Variants in PHKA2 observed in about 807,000 individuals in gnomAD.
PHKA2 encodes the protein phosphorylase kinase regulatory subunit alpha 2, also known as phosphorylase b kinase regulatory subunit alpha, liver isoform.
In PHKA2, 31 loss-of-function variants were observed where a neutral mutation model predicts 102.0. The observed-to-expected ratio is 0.30, with a 90% CI of 0.23 to 0.41. The LOEUF (loss-of-function observed/expected upper bound fraction) is 0.41, where lower values mean the gene tolerates loss of function less well. PHKA2 is among the 10% of genes least tolerant of loss of function. The pLI is 1.00. For synonymous variants in PHKA2, 455 were observed against 416.2 expected (o/e 1.09, Z -1.13); for missense variants, 858 against 1,023.1 (o/e 0.84, Z 2.20).
intron 11 of PHKA2, among the ~76,000 whole-genome samples, chrX:18,932,233 T>TA (rs924463239): frequency 3.6e-5 from 4 of 112,354 alleles, no homozygotes; most frequent in African/African-American, 1.3e-4. Flanking sequence ...TACTAGCCTG[T>TA]AACCCCTCCT....
At chrX:18,975,633 A>G (rs2049078211) in intron 1 of PHKA2, among the ~76,000 whole-genome samples, 1 of 112,195 alleles carries the variant, frequency 8.9e-6, no homozygotes, top group Non-Finnish European at 1.9e-5. Flanking sequence ...GTTTAAGCCT[A>G]AAATCTTGAA....
At position 18,931,683 on chromosome X, in the gene PHKA2, C is replaced by G. The variant is rs1466343755; in HGVS notation, c.1203G>C (p.Leu401=). 12 of 1,207,317 alleles carry G rather than the reference C, an allele frequency of 9.9e-6. No individual in the cohort carries two copies. Among genetic ancestry groups the G allele is most frequent in the Non-Finnish European group, 1.3e-5 (12 of 891,389 alleles). ...TGAGGATGTACAAGGATTGGCCCCA[C>G]AGATGAGGCACCTTCCCCATAGGAA... is the stretch of plus-strand genomic sequence containing the variant. ...DRVPMGKVPH[L]WGQSLYILSS... is the part of the protein sequence containing the mutation. Residue 401 remains leucine (L), a synonymous_variant, in exon 12 of 33, where the codon CTG becomes CTC. Coordinates refer to ENST00000379942, the MANE Select transcript of PHKA2 (RefSeq NM_000292.3).
At chrX:18,954,131 A>C in intron 2 of PHKA2, 123 bp downstream of exon 2, 1 of 661,846 alleles carries the variant, frequency 1.5e-6, no homozygotes, top group Non-Finnish European at 2.4e-6. Flanking sequence ...AATATTCTAT[A>C]GCAGAAATAG....
In PHKA2 at chrX:18,924,528, GAA is replaced by G. The variant is rs1203716389; in HGVS notation, c.1570-5_1570-4del. 1 of 1,208,511 alleles carries G rather than the reference GAA, an allele frequency of 8.3e-7. No individual in the cohort carries two copies. Among genetic ancestry groups the G allele is most frequent in the Non-Finnish European group, 1.1e-6 (1 of 894,068 alleles). On this transcript the variant is annotated splice_polypyrimidine_tract_variant and splice_region_variant and intron_variant, in intron 15 of 32. Transcript: ENST00000379942. The stretch of plus-strand genomic sequence containing the variant: ...TAGAAGTGATGCTGGTCGGTGAACT[GAA>G]AGTCAGAGGAGGCTGGGTAAACGGC...
Position 18,893,618 on chromosome X carries a change from T to C in PHKA2, c.3575A>G (p.Gln1192Arg). 2 of 1,211,896 alleles carry C rather than the reference T, an allele frequency of 1.7e-6. No individual in the cohort carries two copies. The highest frequency in any genetic ancestry group is 2.2e-6 in the Non-Finnish European group (2 of 895,349). The change falls in exon 33 of 33, where the codon CAA (glutamine) becomes CGA (arginine). Residue 1192 changes from glutamine (Q) to arginine (R), a missense_variant. Transcript: ENST00000379942. ...AAAGAAGTGGCAGATTCCTGTGGCTTGGTCTTTCTCCAGGGTGTCCATGGC... is the reference window on the plus strand; with the variant it reads ...AAAGAAGTGGCAGATTCCTGTGGCTCGGTCTTTCTCCAGGGTGTCCATGGC... ...IGAMDTLEKDQATGICHFFYD... is the reference protein window; with the variant it reads ...IGAMDTLEKDRATGICHFFYD...
At chrX:18,901,226 C>G (rs1601701460) in intron 27 of PHKA2, among the ~76,000 whole-genome samples, 1 of 110,752 alleles carries the variant, frequency 9.0e-6, no homozygotes, top group Non-Finnish European at 1.9e-5. Context: ...GGAACAGAGG[C>G]AAACATGGAC....
rs1402747278 is a variant in PHKA2, at chrX:18,906,638, A to G, written c.2677-14T>C. The G allele has an allele frequency of 8.4e-7, 1 of 1,195,439 alleles. No individual in the cohort carries two copies. The highest frequency in any genetic ancestry group is 2.2e-5 in the Admixed American group (1 of 46,089). ...AACCACAATCTCCTGAGGCAGACAC[A>G]CACGGAGATAGGGTTTCAGAGACAG... On this transcript the variant is annotated splice_polypyrimidine_tract_variant and intron_variant, in intron 24 of 32. Transcript: ENST00000379942.
chrX:18,954,475 T>C, intron 1 of PHKA2, 63 bp from the exon 2 acceptor site: 3 of 1,105,324 alleles, frequency 2.7e-6, no homozygotes, highest in Non-Finnish European at 3.7e-6. Context: ...GGGTAACAGA[T>C]GCTTGTCCTA....
At chrX:18,924,556 C>T (rs1422527000) in intron 15 of PHKA2, 31 bp from the exon 16 acceptor site, 1 of 1,200,376 alleles carries the variant, frequency 8.3e-7, no homozygotes. Context: ...GGTAAACGGC[C>T]ACCCTTTCTT....
At chrX:18,966,338 C>CA (rs60395752) in intron 1 of PHKA2, among the ~76,000 whole-genome samples, 3 of 109,790 alleles carry the variant, frequency 2.7e-5, no homozygotes, top group African/African-American at 1.0e-4. Context: ...GTGATCCCCC[C>CA]GCCTTGGCCT....
chrX:18,916,947 C>T (rs2147887741), intron 19 of PHKA2, among the ~76,000 whole-genome samples: 2 of 108,614 alleles, frequency 1.8e-5, no homozygotes, highest in East Asian at 5.8e-4. Flanking sequence ...GATCACAGCT[C>T]ACTGCAACCT....
chrX:18,906,444 G>A (rs2147853608), intron 25 of PHKA2, 51 bp downstream of exon 25: 1 of 1,202,678 alleles, frequency 8.3e-7, no homozygotes, highest in South Asian at 1.8e-5. Context: ...GCCGTGGCCG[G>A]GTGGTTGGGG....
intron 4 of PHKA2, 100 bp downstream of exon 4, chrX:18,951,004 G>A (rs1295715199): frequency 4.9e-6 from 4 of 808,217 alleles, no homozygotes; most frequent in Non-Finnish European, 7.5e-6. Context: ...AAGCAGTGAA[G>A]CAGCACATGG....
rs973504402 is a variant in PHKA2, at chrX:18,941,100, C to T, written c.864+429G>A. ...TTAATATTCTCAGTTTAGTGTATCA[C>T]GGTTACTGCATTTCACCTCAAAACA... On this transcript the variant is annotated intron_variant, in intron 8 of 32. Transcript: ENST00000379942. Among the ~76,000 whole-genome samples, 6 of 112,266 alleles carry T rather than the reference C, an allele frequency of 5.3e-5. No individual in the cohort carries two copies. The East Asian group carries it at 8.4e-4, about 16-fold the overall frequency.
chrX:18,940,759 G>A (rs1313065158), intron 8 of PHKA2, among the ~76,000 whole-genome samples: 1 of 111,851 alleles, frequency 8.9e-6, no homozygotes, highest in East Asian at 2.8e-4. Flanking sequence ...CACGTCCCTA[G>A]CCCTAGCGAC....
At chrX:18,938,584 G>A (rs1436533085) in intron 10 of PHKA2, 43 bp downstream of exon 10, 1 of 1,143,593 alleles carries the variant, frequency 8.7e-7, no homozygotes, top group African/African-American at 1.8e-5. Context: ...GTATACCAGT[G>A]GAATGAAAAT....
At chrX:18,925,169 A>C (rs1375054492) in intron 15 of PHKA2, among the ~76,000 whole-genome samples, 3 of 112,574 alleles carry the variant, frequency 2.7e-5, no homozygotes, top group Non-Finnish European at 5.6e-5. Flanking sequence ...TGCCAAAGCG[A>C]TCCCACTGTT....
At chrX:18,923,047 CTTTTTTTTT>C (rs775796728) in intron 17 of PHKA2, among the ~76,000 whole-genome samples, 12 of 82,504 alleles carry the variant, frequency 1.5e-4, no homozygotes, top group South Asian at 5.8e-4. Context: ...TGAGATTCTC[CTTTTTTTTT>C]TTTTTTTTTT....
chrX:18,944,298 T>C (rs1169330408), intron 6 of PHKA2, among the ~76,000 whole-genome samples: 1 of 112,303 alleles, frequency 8.9e-6, no homozygotes, highest in East Asian at 2.8e-4. Context: ...ATGGTCGTCT[T>C]TTCTCTCACA....
Sources: allele counts gnomAD v4.1 joint callset (sites outside exome capture counted in the v4.1 genomes callset), GRCh38; gene constraint gnomAD v4.1.1; transcripts MANE v1.5; gene names NCBI Gene and HGNC (gene_info 2026-07-23, HGNC 2026-07-21).